The following ASIC1 variants were observed in gnomAD, a reference collection of about 807,000 sequenced individuals.
ASIC1 encodes acid-sensing ion channel 1.
Under a neutral mutation model 63.4 loss-of-function variants are expected in ASIC1, and 21 were observed. The observed-to-expected ratio is 0.33, with a 90% CI of 0.23 to 0.48. The LOEUF (loss-of-function observed/expected upper bound fraction) is 0.48. ASIC1 is among the 20% of genes least tolerant of loss of function. ASIC1 has a pLI of 0.99. For synonymous variants in ASIC1, 258 were observed against 278.2 expected (o/e 0.93, Z 0.72); for missense variants, 478 against 695.5 (o/e 0.69, Z 3.52).
chr12:50,074,321 T>TTGGGGC lies in ASIC1; in HGVS notation c.559-2871_559-2866dup, dbSNP rs1357365634. ...TGTCCCTGACTGTCACCTCCTGGGGTTGGGGCTGGGGCTGGGGCTGGGGCT... is the reference window on the plus strand; with the variant it reads ...TGTCCCTGACTGTCACCTCCTGGGGTTGGGGCTGGGGCTGGGGCTGGGGCTGGGGCT... On this transcript the variant is annotated intron_variant, in intron 3 of 11. Transcript: ENST00000447966. The surrounding 1 kb of genome is among the most constrained non-coding windows in gnomAD (Gnocchi z 4.2). 1.4e-4 allele frequency: 197 copies of TTGGGGC among 1,431,060 alleles called. No homozygotes were observed. Among genetic ancestry groups the TTGGGGC allele is most frequent in the Non-Finnish European group, 1.7e-4 (184 of 1,096,140 alleles). 88.6% of individuals were successfully genotyped at this position (1,431,060 alleles called of 1,614,324 possible). A position where few individuals can be genotyped will look rare whatever the true frequency, so the allele number is the denominator to read the frequency against.
Position 50,077,302 on chromosome 12 carries a change from T to C in ASIC1, c.648T>C (p.Asn216=), listed in dbSNP as rs752681317. ...RLKTMKGGTG[N]GLEIMLDIQQ... is the part of the protein sequence containing the mutation. ...AGACCATGAAGGGTGGGACGGGCAATGGGCTGGAAATCATGCTGGACATCC... is the reference window on the plus strand; with the variant it reads ...AGACCATGAAGGGTGGGACGGGCAACGGGCTGGAAATCATGCTGGACATCC... The change falls in exon 4 of 12, where the codon AAT becomes AAC. Residue 216 remains asparagine (N), a synonymous_variant. Coordinates refer to ENST00000447966, the MANE Select transcript of ASIC1 (RefSeq NM_001095.4). 4.3e-6 allele frequency: 7 copies of C among 1,613,980 alleles called. No individual in the cohort carries two copies. Among genetic ancestry groups the C allele is most frequent in the African/African-American group, 1.3e-5 (1 of 74,900 alleles).
intron 3 of ASIC1, among the ~76,000 whole-genome samples, chr12:50,060,199 A>G (rs1179560546): frequency 2.0e-5 from 3 of 152,204 alleles, no homozygotes; most frequent in Admixed American, 6.5e-5. Context: ...TGCACAACAC[A>G]CACATATATG....
chr12:50,058,176 A>AACAT (rs1950464720), intron 1 of ASIC1, among the ~76,000 whole-genome samples: 1 of 149,146 alleles, frequency 6.7e-6, no homozygotes, highest in Middle Eastern at 3.2e-3. Context: ...CCCCACTCCC[A>AACAT]ACATACACAC....
intron 4 of ASIC1, among the ~76,000 whole-genome samples, chr12:50,077,797 G>A (rs1950672013): frequency 6.6e-6 from 1 of 152,162 alleles, no homozygotes; most frequent in Admixed American, 6.5e-5. Context: ...AAAGAAGTGT[G>A]TAGGATACAG....
At chr12:50,076,963 A>C (rs773369476) in intron 3 of ASIC1, 1 of 647,000 alleles carries the variant, frequency 1.5e-6, no homozygotes, top group South Asian at 1.5e-5. Flanking sequence ...GTCAACCCCA[A>C]CTAGAAGCCC....
At position 50,081,978 on chromosome 12, in the gene ASIC1, A is replaced by G; in HGVS notation, c.*329A>G. ...CTAGCTGTCTGCCATCTGAGTGTCC[A>G]TCTACATTCTGCTGCCACCAGTCAC... is the stretch of plus-strand genomic sequence containing the variant. On this transcript the variant is annotated 3_prime_UTR_variant, in exon 12 of 12. Coordinates refer to ENST00000447966, the MANE Select transcript of ASIC1 (RefSeq NM_001095.4). 1 of 316,470 alleles carries G rather than the reference A, an allele frequency of 3.2e-6. No individual in the cohort carries two copies. The highest frequency in any genetic ancestry group is 5.9e-6 in the Non-Finnish European group (1 of 169,972). The allele number at this position is 316,470 out of a possible 1,614,324, so 19.6% of individuals were successfully genotyped here.
chr12:50,071,731 C>T (rs542685966), intron 3 of ASIC1, among the ~76,000 whole-genome samples: 3 of 152,208 alleles, frequency 2.0e-5, no homozygotes, highest in Middle Eastern at 3.4e-3. Context: ...CTGCAACCTC[C>T]GCCTCCCGGG....
At chr12:50,079,869 C>G (rs770907523) in intron 7 of ASIC1, 33 bp from the exon 8 acceptor site, 1 of 1,573,566 alleles carries the variant, frequency 6.4e-7, no homozygotes, top group South Asian at 1.2e-5. Flanking sequence ...AAGGGCACCA[C>G]TCAACTGAGA....
chr12:50,073,966 A>C, intron 3 of ASIC1: 6 of 1,535,846 alleles, frequency 3.9e-6, no homozygotes, highest in Non-Finnish European at 4.4e-6. Flanking sequence ...CGAAGTGGCC[A>C]CCACGGAGCT....
rs531939591 is a variant in ASIC1, at chr12:50,082,727, C to T, written c.*1078C>T. The T allele has an allele frequency of 1.3e-5, 2 of 152,778 alleles. No homozygotes were observed. Among genetic ancestry groups the T allele is most frequent in the Non-Finnish European group, 1.5e-5 (1 of 68,066 alleles). The allele number at this position is 152,778 out of a possible 1,614,324, so 9.5% of individuals were successfully genotyped here. On this transcript the variant is annotated 3_prime_UTR_variant, in exon 12 of 12. Coordinates refer to ENST00000447966, the MANE Select transcript of ASIC1 (RefSeq NM_001095.4). ...TCGCCTGTATAAAGAGTTGGACTCT[C>T]TCCCCTGGTGTCTGTACTGTGTACA...
In ASIC1 at chr12:50,059,622, C is replaced by A; in HGVS notation, c.363-137C>A. 1.1e-6 allele frequency: 1 copy of A among 887,160 alleles called. No individual in the cohort carries two copies. The highest frequency in any genetic ancestry group is 1.7e-6 in the Non-Finnish European group (1 of 589,236). The allele number at this position is 887,160 out of a possible 1,614,324, so 55.0% of individuals were successfully genotyped here. A position where few individuals can be genotyped will look rare whatever the true frequency, so the allele number is the denominator to read the frequency against. ...TCATTTCAGACCCATGTGGTAGAGCCTCTGCATGCCCAGCTCTCCTTCCTT... is the reference window on the plus strand; with the variant it reads ...TCATTTCAGACCCATGTGGTAGAGCATCTGCATGCCCAGCTCTCCTTCCTT... On this transcript the variant is annotated intron_variant, in intron 2 of 11. Transcript: ENST00000447966. This position sits in a 1 kb window ranked among gnomAD's most constrained non-coding sequence, Gnocchi z 4.6.
chr12:50,062,222 C>T (rs1189702621), intron 3 of ASIC1, among the ~76,000 whole-genome samples: 6 of 152,218 alleles, frequency 3.9e-5, no homozygotes, highest in African/African-American at 1.4e-4. Flanking sequence ...CTCTCTCCTC[C>T]AGCTCCCCAG....
intron 3 of ASIC1, among the ~76,000 whole-genome samples, chr12:50,066,066 T>C (rs1275038600): frequency 6.6e-6 from 1 of 152,234 alleles, no homozygotes; most frequent in Non-Finnish European, 1.5e-5. Context: ...GCTTGGTGTG[T>C]GTGGCTGTGA....
chr12:50,064,537 A>G (rs1467991453), intron 3 of ASIC1, among the ~76,000 whole-genome samples: 1 of 152,198 alleles, frequency 6.6e-6, no homozygotes, highest in Non-Finnish European at 1.5e-5. Context: ...TGGCTAAAGC[A>G]ATAGGGAATT....
chr12:50,081,073 A>C (rs781261483), intron 9 of ASIC1, 29 bp from the exon 10 acceptor site: 6 of 1,553,134 alleles, frequency 3.9e-6, no homozygotes, highest in Non-Finnish European at 5.2e-6. Flanking sequence ...TCCTGACCCC[A>C]CTGACCCCCC....
At chr12:50,063,660 C>G (rs1950520762) in intron 3 of ASIC1, among the ~76,000 whole-genome samples, 1 of 152,170 alleles carries the variant, frequency 6.6e-6, no homozygotes, top group African/African-American at 2.4e-5. Context: ...CAGAAGCCTC[C>G]CCTGCAATCC....
intron 3 of ASIC1, among the ~76,000 whole-genome samples, chr12:50,072,640 G>C (rs891878841): frequency 1.4e-4 from 21 of 152,096 alleles, no homozygotes; most frequent in African/African-American, 4.6e-4. Context: ...TAAACTGTTC[G>C]GGGGGCGGGG....
intron 8 of ASIC1, 103 bp downstream of exon 8, chr12:50,080,158 G>A: frequency 6.9e-7 from 1 of 1,457,052 alleles, no homozygotes; most frequent in Non-Finnish European, 9.2e-7. Context: ...GGGAACTTGA[G>A]ATAACACGGG....
At chr12:50,073,537 T>TC (rs1950620171) in intron 3 of ASIC1, 1 of 1,459,496 alleles carries the variant, frequency 6.9e-7, no homozygotes, top group Non-Finnish European at 9.0e-7. Context: ...TCTGGCACCT[T>TC]CCCCCTTCCT....
Sources: gnomAD v4.1 joint callset for allele counts (sites outside exome capture counted in the v4.1 genomes callset) on GRCh38, gnomAD v4.1.1 for gene constraint, Gnocchi (gnomAD v3.1) non-coding constraint, MANE v1.5 for transcripts, NCBI Gene and HGNC (gene_info 2026-07-23, HGNC 2026-07-21) for gene names.